Variants in NTM observed in about 807,000 individuals in gnomAD.
The protein encoded by NTM is neurotrimin, also known as IgLON family member 2.
NTM carries 13 observed loss-of-function variants against 42.1 expected under a neutral mutation model. The observed-to-expected ratio is 0.31, with a 90% CI of 0.20 to 0.49. The LOEUF is 0.49. Ranked by LOEUF, NTM falls within the 20% of genes least tolerant of loss-of-function variation. The pLI is 0.99. For synonymous variants in NTM, 187 were observed against 179.2 expected, an observed-to-expected ratio of 1.04 and a Z score of -0.35; for missense variants, 373 against 452.8, an observed-to-expected ratio of 0.82 and a Z score of 1.60.
At chr11:131,623,372 A>G (rs1230315932) in intron 1 of NTM, among the ~76,000 whole-genome samples, 1 of 152,242 alleles carries the variant, frequency 6.6e-6, no homozygotes, top group African/African-American at 2.4e-5. Flanking sequence ...GTATACAAAT[A>G]TGAGATATCA....
At chr11:131,794,306 G>A (rs2091302031) in intron 1 of NTM, among the ~76,000 whole-genome samples, 2 of 152,246 alleles carry the variant, frequency 1.3e-5, no homozygotes, top group East Asian at 3.9e-4. Flanking sequence ...GTTTTGTAAT[G>A]GCCCAACTTA....
At chr11:132,310,776 C>T (rs2095256742) in intron 6 of NTM, among the ~76,000 whole-genome samples, 1 of 152,114 alleles carries the variant, frequency 6.6e-6, no homozygotes, top group Admixed American at 6.5e-5. Flanking sequence ...AGGGACTATT[C>T]CCTTCCTTCC....
chr11:131,400,909 G>A (rs1285849693), intron 1 of NTM, among the ~76,000 whole-genome samples: 1 of 151,536 alleles, frequency 6.6e-6, no homozygotes, highest in Non-Finnish European at 1.5e-5. Context: ...CTAACATTGG[G>A]CCTTCTATGT....
intron 1 of NTM, among the ~76,000 whole-genome samples, chr11:131,515,791 TCAGGGAGATTGCA>T (rs2048822583): frequency 6.6e-6 from 1 of 152,202 alleles, no homozygotes; most frequent in Non-Finnish European, 1.5e-5. Context: ...GAGAAACGTT[TCAGGGAGATTGCA>T]CATACAAAGC....
In NTM at chr11:131,789,642, G is replaced by GAAGAAGAAGA. The variant is rs1565553179; in HGVS notation, c.83-121920_83-121911dup. ...AAGAAGAAGAAGAAGAAGAAAAGAA[G>GAAGAAGAAGA]AAGAAGAAGAAGAAGAAGAAGAAGA... is the stretch of plus-strand genomic sequence containing the variant. On this transcript the variant is annotated intron_variant, in intron 1 of 8. Transcript: ENST00000683400. 3.3e-5 allele frequency among the ~76,000 whole-genome samples: 4 copies of GAAGAAGAAGA among 122,330 alleles called. 1 individual carries two copies. The highest frequency in any genetic ancestry group is 1.3e-4 in the African/African-American group (4 of 31,934). 80.3% of individuals were successfully genotyped at this position (122,330 alleles called of 152,430 possible).
At chr11:132,151,252 T>C (rs11222955) in intron 3 of NTM, among the ~76,000 whole-genome samples, 44,481 of 152,118 alleles carry the variant, frequency 0.29, 6,997 homozygotes, top group Non-Finnish European at 0.36. Flanking sequence ...GGATAAAACA[T>C]TCAGTGGGAA....
chr11:132,189,735 C>A (rs2079002366), intron 3 of NTM, among the ~76,000 whole-genome samples: 1 of 152,064 alleles, frequency 6.6e-6, no homozygotes, highest in African/African-American at 2.4e-5. Context: ...ACTCCTGTGT[C>A]AATAGTTATG....
At chr11:131,503,965 T>G (rs1263577360) in intron 1 of NTM, among the ~76,000 whole-genome samples, 1 of 152,212 alleles carries the variant, frequency 6.6e-6, no homozygotes, top group African/African-American at 2.4e-5. Context: ...GGGTCATTAG[T>G]GCTTTAAGGC....
chr11:132,204,513 G>A (rs950204936), intron 3 of NTM, among the ~76,000 whole-genome samples: 1 of 152,160 alleles, frequency 6.6e-6, no homozygotes, highest in African/African-American at 2.4e-5. Flanking sequence ...TAGAAAGGGG[G>A]TTTGAGGAAG....
At chr11:132,029,290 G>T (rs921813192) in intron 2 of NTM, among the ~76,000 whole-genome samples, 2 of 151,936 alleles carry the variant, frequency 1.3e-5, no homozygotes, top group Non-Finnish European at 2.9e-5. Flanking sequence ...GCTGCACCCA[G>T]TAACTCGTCA....
intron 2 of NTM, among the ~76,000 whole-genome samples, chr11:132,088,580 T>C (rs773887566): frequency 1.3e-5 from 2 of 152,102 alleles, no homozygotes; most frequent in Non-Finnish European, 2.9e-5. Flanking sequence ...CACATACGAG[T>C]GGAAGAAGCC....
intron 1 of NTM, chr11:131,911,147 A>T: frequency 7.9e-7 from 1 of 1,273,712 alleles, no homozygotes; most frequent in South Asian, 1.7e-5. Context: ...GCCGCTGGGA[A>T]GAAGCGGCTC....
chr11:131,902,043 C>T (rs1051639387), intron 1 of NTM, among the ~76,000 whole-genome samples: 6 of 152,230 alleles, frequency 3.9e-5, no homozygotes, highest in African/African-American at 9.7e-5. Flanking sequence ...ACCTCAATTA[C>T]TTTATTTAGA....
At chr11:132,261,036 C>T (rs1341151966) in intron 4 of NTM, among the ~76,000 whole-genome samples, 3 of 152,184 alleles carry the variant, frequency 2.0e-5, no homozygotes, top group East Asian at 1.9e-4. Context: ...TGCTGGTTCT[C>T]GTTTTAGCTG....
chr11:131,473,104 T>C (rs184265797), intron 1 of NTM, among the ~76,000 whole-genome samples: 1 of 152,326 alleles, frequency 6.6e-6, no homozygotes, highest in African/African-American at 2.4e-5. Flanking sequence ...AAATATTGAC[T>C]CATTTAATAA....
chr11:132,174,748 C>T (rs751641326), intron 3 of NTM, among the ~76,000 whole-genome samples: 14 of 152,048 alleles, frequency 9.2e-5, no homozygotes, highest in South Asian at 2.1e-4. Context: ...GATGGCCTCT[C>T]GGGGTTGCTG....
At chr11:132,170,057 G>T (rs1206242236) in intron 3 of NTM, among the ~76,000 whole-genome samples, 2 of 152,180 alleles carry the variant, frequency 1.3e-5, no homozygotes, top group Admixed American at 1.3e-4. Context: ...ACAGAAACCA[G>T]CAACTACAAA....
intron 1 of NTM, among the ~76,000 whole-genome samples, chr11:131,520,796 T>C (rs1279771092): frequency 2.6e-5 from 4 of 152,222 alleles, no homozygotes; most frequent in Admixed American, 2.6e-4. Flanking sequence ...AGCATTCTTT[T>C]TTTCAAGTAC....
At chr11:131,473,027 A>G (rs1449327301) in intron 1 of NTM, among the ~76,000 whole-genome samples, 1 of 152,206 alleles carries the variant, frequency 6.6e-6, no homozygotes, top group Non-Finnish European at 1.5e-5. Flanking sequence ...TACTAATAAC[A>G]ATGAAAATAA....
Sources: allele counts gnomAD v4.1 joint callset (sites outside exome capture counted in the v4.1 genomes callset), GRCh38; gene constraint gnomAD v4.1.1; transcripts MANE v1.5; gene names NCBI Gene and HGNC (gene_info 2026-07-23, HGNC 2026-07-21).